PAPSS1: variants seen among roughly 807,000 people sequenced by gnomAD.
PAPSS1 encodes bifunctional 3'-phosphoadenosine 5'-phosphosulfate synthase 1.
PAPSS1 carries 50 observed loss-of-function variants against 72.0 expected under a neutral mutation model. That is an observed-to-expected ratio of 0.69 (90% CI 0.55 to 0.88). PAPSS1 has a LOEUF of 0.88. Among genes scored for constraint, PAPSS1 ranks in the 40% least tolerant of loss-of-function variants. PAPSS1 has a pLI of 0.00. For missense variants in PAPSS1, 657 were observed against 782.2 expected, an observed-to-expected ratio of 0.84 and a Z score of 1.91; for synonymous variants, 261 against 263.6, an observed-to-expected ratio of 0.99 and a Z score of 0.09.
At chr4:107,649,278 G>T (rs140833723) in intron 9 of PAPSS1, among the ~76,000 whole-genome samples, 1 of 152,222 alleles carries the variant, frequency 6.6e-6, no homozygotes, top group African/African-American at 2.4e-5. Flanking sequence ...GCCTCAGCGC[G>T]TGATTCTGGC....
intron 11 of PAPSS1, among the ~76,000 whole-genome samples, chr4:107,626,482 T>C (rs1578382502): frequency 6.6e-6 from 1 of 152,228 alleles, no homozygotes; most frequent in East Asian, 1.9e-4. Flanking sequence ...GAATGGACTT[T>C]AATCTTGTAG....
intron 1 of PAPSS1, among the ~76,000 whole-genome samples, chr4:107,707,846 A>G (rs1423309933): frequency 1.3e-5 from 2 of 152,176 alleles, no homozygotes; most frequent in South Asian, 2.1e-4. Context: ...GCTGACCTCC[A>G]CCAATACACA....
At chr4:107,641,531 C>T (rs1353193770) in intron 10 of PAPSS1, among the ~76,000 whole-genome samples, 1 of 152,154 alleles carries the variant, frequency 6.6e-6, no homozygotes, top group African/African-American at 2.4e-5. Flanking sequence ...ACAGTTAAGT[C>T]CCTTATCCTC....
At chr4:107,687,700 T>C (rs535116104) in intron 3 of PAPSS1, among the ~76,000 whole-genome samples, 60 of 152,264 alleles carry the variant, frequency 3.9e-4, no homozygotes, top group African/African-American at 1.4e-3. Context: ...CCCTTGCAGC[T>C]CCCTCTAAGC....
At chr4:107,617,199 G>T (rs954978726) in intron 11 of PAPSS1, among the ~76,000 whole-genome samples, 4 of 147,172 alleles carry the variant, frequency 2.7e-5, no homozygotes, top group Admixed American at 2.7e-4. Context: ...GTTTATATGA[G>T]TCTTCGGCTT....
chr4:107,624,055 T>C (rs1726033829), intron 11 of PAPSS1, among the ~76,000 whole-genome samples: 2 of 152,214 alleles, frequency 1.3e-5, no homozygotes, highest in African/African-American at 4.8e-5. Flanking sequence ...CTCCAGCTCC[T>C]ACCTTTCAAG....
At chr4:107,616,125 C>T (rs1178665356) in intron 11 of PAPSS1, among the ~76,000 whole-genome samples, 1 of 151,310 alleles carries the variant, frequency 6.6e-6, no homozygotes, top group Non-Finnish European at 1.5e-5. Context: ...AAGAAATATG[C>T]CCTATGTAGT....
intron 5 of PAPSS1, among the ~76,000 whole-genome samples, chr4:107,664,346 G>A (rs1157253162): frequency 2.0e-5 from 3 of 152,190 alleles, no homozygotes; most frequent in Non-Finnish European, 4.4e-5. Flanking sequence ...AGAAGCAGAA[G>A]AAAGCATGCA....
At chr4:107,720,010 G>C (rs1723738921) in intron 1 of PAPSS1, 110 bp downstream of exon 1, 1 of 1,521,254 alleles carries the variant, frequency 6.6e-7, no homozygotes, top group Non-Finnish European at 8.8e-7. Context: ...CCACCTCCGC[G>C]CTCCTGGAAG....
At chr4:107,694,034 C>T (rs768496099) in intron 2 of PAPSS1, 28 bp from the exon 3 acceptor site, 11 of 1,479,198 alleles carry the variant, frequency 7.4e-6, no homozygotes, top group Non-Finnish European at 1.0e-5. Context: ...AAACAGATTC[C>T]ATGTGTAAAG....
intron 4 of PAPSS1, among the ~76,000 whole-genome samples, chr4:107,684,296 G>C (rs1722715590): frequency 6.6e-6 from 1 of 152,072 alleles, no homozygotes; most frequent in Admixed American, 6.6e-5. Flanking sequence ...TCATCAGATA[G>C]GTTTTATTTA....
chr4:107,661,323 T>C (rs965401745), intron 5 of PAPSS1, among the ~76,000 whole-genome samples: 3 of 152,180 alleles, frequency 2.0e-5, no homozygotes, highest in Non-Finnish European at 4.4e-5. Flanking sequence ...CATACTCTTA[T>C]CAGCAATTTC....
chr4:107,710,836 C>T (rs1047852256), intron 1 of PAPSS1, among the ~76,000 whole-genome samples: 1 of 152,202 alleles, frequency 6.6e-6, no homozygotes, highest in Non-Finnish European at 1.5e-5. Context: ...TGGGTGCAAG[C>T]GCACCCATAC....
At chr4:107,692,298 A>G (rs1316146988) in intron 3 of PAPSS1, among the ~76,000 whole-genome samples, 1 of 152,170 alleles carries the variant, frequency 6.6e-6, no homozygotes, top group African/African-American at 2.4e-5. Context: ...GCAAATTTAC[A>G]AGAAAAAAAC....
chr4:107,670,667 T>C (rs1441051604), intron 5 of PAPSS1, among the ~76,000 whole-genome samples: 3 of 152,104 alleles, frequency 2.0e-5, no homozygotes, highest in African/African-American at 7.2e-5. Context: ...GCCTCCTGAG[T>C]ATCTGGGATG....
intron 4 of PAPSS1, among the ~76,000 whole-genome samples, chr4:107,682,469 A>G (rs943705946): frequency 6.6e-6 from 1 of 152,210 alleles, no homozygotes; most frequent in African/African-American, 2.4e-5. Flanking sequence ...GAACTGTGTC[A>G]GGTGTGTCGG....
chr4:107,632,123 A>G (rs1726240124), intron 10 of PAPSS1, among the ~76,000 whole-genome samples: 1 of 152,142 alleles, frequency 6.6e-6, no homozygotes, highest in Non-Finnish European at 1.5e-5. Context: ...TATAAGATAT[A>G]TGTAAACATA....
At chr4:107,680,946 C>G (rs1347997675) in intron 5 of PAPSS1, among the ~76,000 whole-genome samples, 1 of 152,038 alleles carries the variant, frequency 6.6e-6, no homozygotes, top group East Asian at 1.9e-4. Flanking sequence ...ATATATTCAG[C>G]TACAATGTTT....
intron 3 of PAPSS1, among the ~76,000 whole-genome samples, chr4:107,689,613 C>T (rs775328329): frequency 6.6e-6 from 1 of 152,150 alleles, no homozygotes; most frequent in Non-Finnish European, 1.5e-5. Context: ...TTCTAACTAT[C>T]CTTTTAAAGG....
Sources: allele counts gnomAD v4.1 joint callset (sites outside exome capture counted in the v4.1 genomes callset), GRCh38; gene constraint gnomAD v4.1.1; transcripts MANE v1.5; gene names NCBI Gene and HGNC (gene_info 2026-07-23, HGNC 2026-07-21).